Variants in PLCH1 observed in about 807,000 individuals in gnomAD.
PLCH1 encodes the protein phospholipase C eta 1, also known as 1-phosphatidylinositol 4,5-bisphosphate phosphodiesterase eta-1.
In PLCH1, 60 loss-of-function variants were observed where a neutral mutation model predicts 126.7. That is an observed-to-expected ratio of 0.47 (90% CI 0.38 to 0.59). The LOEUF is 0.59. PLCH1 is among the 20% of genes least tolerant of loss of function. PLCH1 has a pLI of 0.00. For synonymous variants in PLCH1, 719 were observed against 734.9 expected, an observed-to-expected ratio of 0.98 and a Z score of 0.35; for missense variants, 1,723 against 2,040.0, an observed-to-expected ratio of 0.84 and a Z score of 2.99.
intron 21 of PLCH1, among the ~76,000 whole-genome samples, chr3:155,454,398 A>G (rs1298704980): frequency 6.6e-6 from 1 of 152,144 alleles, no homozygotes; most frequent in Non-Finnish European, 1.5e-5. Flanking sequence ...CAGGAGGATC[A>G]TTAGATCCCA....
intron 13 of PLCH1, among the ~76,000 whole-genome samples, chr3:155,501,452 A>T (rs1294302199): frequency 6.6e-6 from 1 of 152,154 alleles, no homozygotes; most frequent in African/African-American, 2.4e-5. Context: ...TTTCATCCCC[A>T]CCAATTTGGA....
chr3:155,549,459 C>A (rs770081552), intron 10 of PLCH1, among the ~76,000 whole-genome samples: 2 of 152,062 alleles, frequency 1.3e-5, no homozygotes, highest in African/African-American at 2.4e-5. Flanking sequence ...ATACAAGGAG[C>A]CTTCTCCTTT....
At chr3:155,568,108 T>G in intron 7 of PLCH1, 123 bp downstream of exon 7, 1 of 567,994 alleles carries the variant, frequency 1.8e-6, no homozygotes, top group Non-Finnish European at 3.2e-6. Context: ...AGATTTTGTT[T>G]GAATTATTTA....
chr3:155,583,657 G>A lies in PLCH1; in HGVS notation c.601-15C>T, dbSNP rs2108596529. 1 of 1,539,608 alleles carries A rather than the reference G, an allele frequency of 6.5e-7. No homozygotes were observed. Among genetic ancestry groups the A allele is most frequent in the East Asian group, 2.4e-5 (1 of 42,328 alleles). On this transcript the variant is annotated splice_polypyrimidine_tract_variant and intron_variant, in intron 5 of 22. Transcript: ENST00000460012. ...GTGTCGGCTTCCTGAAAAGGGCATAGAGAAAATAAAGTAATATGAAAGTTA... is the reference window on the plus strand; with the variant it reads ...GTGTCGGCTTCCTGAAAAGGGCATAAAGAAAATAAAGTAATATGAAAGTTA...
At position 155,703,734 on chromosome 3, in the gene PLCH1, C is replaced by T. The variant is rs1189327639; in HGVS notation, c.79+412G>A. Among the ~76,000 whole-genome samples, 8 of 152,292 alleles carry T rather than the reference C, an allele frequency of 5.3e-5. No individual in the cohort carries two copies. The South Asian group carries it at 1.7e-3, about 32-fold the overall frequency. ...TGTCTAAAGCAGGTGGCCACAAGCA[C>T]CCTCTAACATCTCAATTTGGAAGGC... is the stretch of plus-strand genomic sequence containing the variant. On this transcript the variant is annotated intron_variant, in intron 2 of 22. Coordinates refer to ENST00000460012, the MANE Select transcript of PLCH1 (RefSeq NM_014996.4).
intron 2 of PLCH1, among the ~76,000 whole-genome samples, chr3:155,667,094 T>A (rs67916393): frequency 0.14 from 21,671 of 152,186 alleles, 1,582 homozygotes; most frequent in Middle Eastern, 0.22. Context: ...ACAGAATCCA[T>A]ATTTTTTAAA....
intron 1 of PLCH1, among the ~76,000 whole-genome samples, chr3:155,732,090 G>T (rs539686083): frequency 6.0e-5 from 9 of 151,160 alleles, no homozygotes; most frequent in African/African-American, 2.2e-4. Flanking sequence ...TATGAACTGC[G>T]TGACAAAGAA....
intron 8 of PLCH1, among the ~76,000 whole-genome samples, chr3:155,557,206 T>C (rs1348579666): frequency 2.6e-5 from 4 of 152,184 alleles, no homozygotes; most frequent in Non-Finnish European, 5.9e-5. Context: ...TGACAGTCTT[T>C]AATTTGTCTC....
intron 9 of PLCH1, among the ~76,000 whole-genome samples, chr3:155,552,894 T>C (rs1430338887): frequency 6.6e-6 from 1 of 152,206 alleles, no homozygotes; most frequent in Admixed American, 6.5e-5. Flanking sequence ...AAGAATTGGT[T>C]GAGTCTAGAA....
At chr3:155,635,517 C>T (rs1001377986) in intron 2 of PLCH1, among the ~76,000 whole-genome samples, 3 of 152,188 alleles carry the variant, frequency 2.0e-5, no homozygotes, top group Admixed American at 2.0e-4. Flanking sequence ...ATTTAACCTA[C>T]CCCTTCTGAA....
At chr3:155,458,020 G>A (rs1262181028) in intron 21 of PLCH1, among the ~76,000 whole-genome samples, 2 of 152,124 alleles carry the variant, frequency 1.3e-5, no homozygotes, top group African/African-American at 4.8e-5. Flanking sequence ...ACCCAGAGAG[G>A]CTCCAGCTTC....
intron 6 of PLCH1, among the ~76,000 whole-genome samples, chr3:155,576,027 A>T (rs1182530869): frequency 6.6e-6 from 1 of 152,166 alleles, no homozygotes; most frequent in African/African-American, 2.4e-5. Flanking sequence ...GAAACAAAAA[A>T]ATATAAAGAA....
chr3:155,512,158 T>A (rs940210556), intron 12 of PLCH1, among the ~76,000 whole-genome samples: 6 of 151,814 alleles, frequency 4.0e-5, no homozygotes, highest in Non-Finnish European at 7.4e-5. Flanking sequence ...GAAAGGGAAC[T>A]CCCTGACCCC....
Position 155,485,650 on chromosome 3 carries a change from C to T in PLCH1, c.2680G>A (p.Glu894Lys), listed in dbSNP as rs767425425. Residue 894 changes from glutamate to lysine, a missense_variant, in exon 22 of 23, where the codon GAA becomes AAA. By Grantham distance (56) the Glu-to-Lys change is moderately conservative (BLOSUM62 1). Transcript: ENST00000460012. ...TTCCGTACATAATGGGAATTGTTTT[C>T]TGAAGAACTGTGCCTAGGATTCTTA... ...FNKNPRHSSS[E>K]NNSHYVRKRS... is the part of the protein sequence containing the mutation. 6.8e-6 allele frequency: 11 copies of T among 1,609,306 alleles called. No individual in the cohort carries two copies. The highest frequency in any genetic ancestry group is 8.5e-6 in the Non-Finnish European group (10 of 1,179,986).
At chr3:155,503,921 G>C (rs1313148054) in intron 13 of PLCH1, among the ~76,000 whole-genome samples, 3 of 152,222 alleles carry the variant, frequency 2.0e-5, no homozygotes, top group African/African-American at 7.2e-5. Context: ...CTGTGAAATA[G>C]TGGGCCAAAG....
intron 21 of PLCH1, among the ~76,000 whole-genome samples, chr3:155,469,414 C>T (rs1031339648): frequency 2.0e-5 from 3 of 152,144 alleles, no homozygotes; most frequent in East Asian, 1.9e-4. Context: ...GCACCTGGCT[C>T]GGAGGGTCCT....
Position 155,482,583 on chromosome 3 carries a change from AC to A in PLCH1, c.3442del (p.Val1148SerfsTer21). The A allele has an allele frequency of 2.5e-6, 4 of 1,614,134 alleles. No individual in the cohort carries two copies. Among genetic ancestry groups the A allele is most frequent in the Non-Finnish European group, 3.4e-6 (4 of 1,179,988 alleles). On this transcript the variant is annotated frameshift_variant, in exon 23 of 23. Transcript: ENST00000460012. LOFTEE classifies it low-confidence loss of function (END_TRUNC). ...RAATSFSLSD[V>X]SMLCSDIPDL... ...AGGTATGTCAGAACAGAGCATGGAG[AC>A]GTCTGACAAAGAAAAGGATGTTGCA...
chr3:155,534,134 A>C (rs1476528029), intron 10 of PLCH1, among the ~76,000 whole-genome samples: 1 of 152,148 alleles, frequency 6.6e-6, no homozygotes, highest in East Asian at 1.9e-4. Flanking sequence ...TGATAGATCC[A>C]CTGACAGCTT....
chr3:155,692,598 A>G (rs1277742392), intron 2 of PLCH1, among the ~76,000 whole-genome samples: 1 of 152,070 alleles, frequency 6.6e-6, no homozygotes, highest in Non-Finnish European at 1.5e-5. Context: ...CTGGGCACTT[A>G]CCACAGCAAC....
Sources: allele counts gnomAD v4.1 joint callset (sites outside exome capture counted in the v4.1 genomes callset), GRCh38; gene constraint gnomAD v4.1.1; transcripts MANE v1.5; gene names NCBI Gene and HGNC (gene_info 2026-07-23, HGNC 2026-07-21).